Variants in NRG1 observed in about 807,000 individuals in gnomAD.
NRG1 encodes pro-neuregulin-1, membrane-bound isoform.
NRG1 carries 18 observed loss-of-function variants against 63.8 expected under a neutral mutation model. The ratio of observed to expected loss-of-function variants is 0.28; its 90% confidence interval spans 0.19 to 0.42. The LOEUF (loss-of-function observed/expected upper bound fraction) is 0.42. Ranked by LOEUF, NRG1 falls within the 10% of genes least tolerant of loss-of-function variation. The probability of loss-of-function intolerance (pLI) is 1.00; values close to 1 mark genes in which losing one functional copy is unlikely to be tolerated. For missense variants in NRG1, 762 were observed against 814.7 expected (o/e 0.94, Z 0.79); for synonymous variants, 302 against 301.3 (o/e 1.00, Z -0.02).
intron 1 of NRG1, among the ~76,000 whole-genome samples, chr8:32,236,111 TTTTG>T (rs1179993981): frequency 6.6e-6 from 1 of 151,156 alleles, no homozygotes; most frequent in Non-Finnish European, 1.5e-5. Context: ...ATTAAGATTT[TTTTG>T]TTTTTGTGTG....
intron 5 of NRG1, among the ~76,000 whole-genome samples, chr8:32,723,391 A>G (rs1459206686): frequency 6.6e-6 from 1 of 152,104 alleles, no homozygotes; most frequent in African/African-American, 2.4e-5. Context: ...CAGTCACTAA[A>G]GAATTGTGGG....
chr8:32,150,757 T>C (rs762735783), intron 1 of NRG1, among the ~76,000 whole-genome samples: 106 of 152,188 alleles, frequency 7.0e-4, no homozygotes, highest in Non-Finnish European at 1.2e-3. Flanking sequence ...GACCTCGACC[T>C]TCACTTTCAG....
intron 1 of NRG1, among the ~76,000 whole-genome samples, chr8:32,485,689 C>T (rs1825817081): frequency 6.6e-6 from 1 of 152,174 alleles, no homozygotes; most frequent in Non-Finnish European, 1.5e-5. Flanking sequence ...ATTAACCAAA[C>T]AAGTAAACAA....
chr8:31,673,796 A>G (rs893713780), intron 1 of NRG1, among the ~76,000 whole-genome samples: 3 of 152,176 alleles, frequency 2.0e-5, no homozygotes, highest in African/African-American at 7.2e-5. Context: ...TATGACTTTC[A>G]AATATTAAAA....
At chr8:32,335,198 T>G (rs763335010) in intron 1 of NRG1, among the ~76,000 whole-genome samples, 98 of 152,224 alleles carry the variant, frequency 6.4e-4, no homozygotes, top group Admixed American at 6.5e-4. Context: ...AACTATTTTC[T>G]TATTAACTGA....
rs190162862 is a variant in NRG1 at position 31,653,351 on chromosome 8, C to A, written c.37+13920C>A. On this transcript the variant is annotated intron_variant, in intron 1 of 10. Transcript: ENST00000519301. ...AGTTAGGGTAGGCTAACTGCAGTAA[C>A]CGATGATACCCTTAATATATAACAA... 9.2e-5 allele frequency among the ~76,000 whole-genome samples: 14 copies of A among 152,106 alleles called. No individual in the cohort carries two copies. The East Asian group carries it at 2.5e-3, about 27-fold the overall frequency.
At chr8:32,771,721 T>A (rs112982817), downstream of NRG1, among the ~76,000 whole-genome samples, 11,594 of 60,012 alleles carry the variant, frequency 0.19, 607 homozygotes, top group Non-Finnish European at 0.22. Context: ...AAAAAATATA[T>A]ATATATATAT....
chr8:32,572,133 T>A (rs541172012), intron 1 of NRG1, among the ~76,000 whole-genome samples: 51 of 152,232 alleles, frequency 3.4e-4, no homozygotes, highest in Non-Finnish European at 6.9e-4. Flanking sequence ...TCTCATTTCC[T>A]GTTTTCAAAG....
At chr8:31,803,371 C>G (rs1056479939) in intron 1 of NRG1, among the ~76,000 whole-genome samples, 2 of 152,084 alleles carry the variant, frequency 1.3e-5, no homozygotes, top group African/African-American at 4.8e-5. Context: ...AAAGCCACAC[C>G]GACAGAGAGC....
intron 1 of NRG1, among the ~76,000 whole-genome samples, chr8:32,337,472 A>C (rs1260188187): frequency 6.6e-6 from 1 of 151,822 alleles, no homozygotes; most frequent in African/African-American, 2.4e-5. Context: ...TTTTATAAGT[A>C]GAGGCCATCA....
At chr8:32,383,068 A>C (rs1810551651) in intron 1 of NRG1, among the ~76,000 whole-genome samples, 1 of 151,882 alleles carries the variant, frequency 6.6e-6, no homozygotes, top group Non-Finnish European at 1.5e-5. Flanking sequence ...CTAAAAAAAA[A>C]AAAAAAAATT....
chr8:31,909,122 A>C (rs1469776260), intron 1 of NRG1, among the ~76,000 whole-genome samples: 1 of 152,198 alleles, frequency 6.6e-6, no homozygotes, highest in Non-Finnish European at 1.5e-5. Flanking sequence ...TCATCATAGC[A>C]AATATTGGCT....
intron 1 of NRG1, among the ~76,000 whole-genome samples, chr8:31,756,576 C>G (rs1028143856): frequency 1.3e-5 from 2 of 152,090 alleles, no homozygotes; most frequent in African/African-American, 4.8e-5. Flanking sequence ...TGCCTCCTTC[C>G]AAGCTTAGAT....
At position 31,796,305 on chromosome 8, in the gene NRG1, A is replaced by G. The variant is rs919295573; in HGVS notation, c.37+156874A>G. Among the ~76,000 whole-genome samples, 21 of 149,326 alleles carry G rather than the reference A, an allele frequency of 1.4e-4. 1 individual carries two copies. Among genetic ancestry groups the G allele is most frequent in the African/African-American group, 4.9e-4 (20 of 40,754 alleles). On this transcript the variant is annotated intron_variant, in intron 1 of 10. Coordinates refer to the NRG1 transcript ENST00000519301. Reference sequence around the variant, plus strand: ...TACTCAGGCTATTCTGTATTCAGGTAGGATATCTATCACCCTTACTCTTCT... The same window carrying G: ...TACTCAGGCTATTCTGTATTCAGGTGGGATATCTATCACCCTTACTCTTCT...
chr8:31,844,203 G>T (rs759855998), intron 1 of NRG1, among the ~76,000 whole-genome samples: 15 of 152,214 alleles, frequency 9.9e-5, no homozygotes, highest in Non-Finnish European at 1.9e-4. Flanking sequence ...TGAGAGGTGG[G>T]TGCTGAGCTG....
intron 1 of NRG1, among the ~76,000 whole-genome samples, chr8:31,830,435 A>G (rs1364844508): frequency 1.4e-5 from 2 of 140,620 alleles, no homozygotes; most frequent in African/African-American, 5.4e-5. Flanking sequence ...TTTTGAAAAC[A>G]TTTTTTATTA....
At chr8:32,478,558 G>A (rs1262700323) in intron 1 of NRG1, among the ~76,000 whole-genome samples, 2 of 152,254 alleles carry the variant, frequency 1.3e-5, no homozygotes, top group African/African-American at 4.8e-5. Flanking sequence ...AGAGATCATT[G>A]TATCCTAAAA....
intron 1 of NRG1, among the ~76,000 whole-genome samples, chr8:32,360,043 T>A (rs752339380): frequency 6.6e-6 from 1 of 152,230 alleles, no homozygotes; most frequent in South Asian, 2.1e-4. Flanking sequence ...GTTCCGTGGA[T>A]GTCTAGTCAA....
intron 1 of NRG1, among the ~76,000 whole-genome samples, chr8:32,021,537 T>C (rs1330449292): frequency 1.3e-5 from 2 of 152,172 alleles, no homozygotes; most frequent in Non-Finnish European, 2.9e-5. Context: ...CAATAGGCCC[T>C]ACCTCCACAC....
Sources: allele counts gnomAD v4.1 joint callset (sites outside exome capture counted in the v4.1 genomes callset), GRCh38; gene constraint gnomAD v4.1.1; transcripts MANE v1.5; gene names NCBI Gene and HGNC (gene_info 2026-07-23, HGNC 2026-07-21).